OPA3: variants seen among roughly 807,000 people sequenced by gnomAD.
The protein encoded by OPA3 is optic atrophy 3 protein.
In OPA3, 6 loss-of-function variants were observed where a neutral mutation model predicts 4.0. That is an observed-to-expected ratio of 1.51 (90% CI 0.83 to 2.99). The LOEUF (loss-of-function observed/expected upper bound fraction) is 2.99, where lower values mean the gene tolerates loss of function less well. Among genes scored for constraint, OPA3 ranks in the 30% most tolerant of loss-of-function variants. The pLI is 0.00. For missense variants in OPA3, 235 were observed against 256.2 expected (o/e 0.92, Z 0.56); for synonymous variants, 105 against 117.1 (o/e 0.90, Z 0.67).
At chr19:45,564,950 G>A (rs1300897413) in intron 1 of OPA3, among the ~76,000 whole-genome samples, 10 of 152,100 alleles carry the variant, frequency 6.6e-5, no homozygotes, top group Admixed American at 6.6e-4. Context: ...TTCTCGGCCG[G>A]GCGTGGTGGC....
exon 2 of OPA3, chr19:45,529,286 G>T (rs1225701554): frequency 6.2e-7 from 1 of 1,614,066 alleles, no homozygotes; most frequent in Non-Finnish European, 8.5e-7. Flanking sequence ...TGCTGCAACT[G>T]GTGGCGCCAA....
chr19:45,535,782 A>ATTT, intron 1 of OPA3, among the ~76,000 whole-genome samples: 1 of 102,066 alleles, frequency 9.8e-6, no homozygotes, highest in African/African-American at 4.2e-5. Flanking sequence ...TTTTTTTTTA[A>ATTT]GAGTTGAGGT....
At chr19:45,565,313 C>T (rs949017382) in intron 1 of OPA3, among the ~76,000 whole-genome samples, 2 of 150,726 alleles carry the variant, frequency 1.3e-5, no homozygotes, top group Non-Finnish European at 1.5e-5. Flanking sequence ...TACCACTGAT[C>T]GAAACTGCAC....
chr19:45,568,609 C>G (rs975924475), intron 1 of OPA3, among the ~76,000 whole-genome samples: 1 of 152,164 alleles, frequency 6.6e-6, no homozygotes, highest in African/African-American at 2.4e-5. Context: ...TTACAGCAAC[C>G]CGAGACTGCA....
intron 1 of OPA3, among the ~76,000 whole-genome samples, chr19:45,560,721 G>T: frequency 6.6e-6 from 1 of 151,980 alleles, no homozygotes; most frequent in East Asian, 1.9e-4. Flanking sequence ...ACTTCCAGGG[G>T]CCACTCAGAA....
At position 45,551,460 on chromosome 19, in the gene OPA3, G is replaced by C. The variant is rs77272492; in HGVS notation, c.*2054C>G. The C allele has an allele frequency of 2.7e-3, 415 of 152,744 alleles. No individual in the cohort carries two copies. Among genetic ancestry groups the C allele is most frequent in the African/African-American group, 9.4e-3 (390 of 41,566 alleles). 9.5% of individuals were successfully genotyped at this position (152,744 alleles called of 1,614,324 possible). On this transcript the variant is annotated 3_prime_UTR_variant, in exon 2 of 2. Transcript: ENST00000263275. ...ACTTAAGATGGGCCCTAAATGCAAT[G>C]ACAGGTGTTCTTGTAAGAGACAAAA...
intron 1 of OPA3, among the ~76,000 whole-genome samples, chr19:45,572,311 CATAT>C (rs72427396): frequency 0.24 from 28,825 of 119,490 alleles, 5,299 homozygotes; most frequent in Middle Eastern, 0.38. Flanking sequence ...TATATATCGA[CATAT>C]ATGAGATATA....
intron 1 of OPA3, among the ~76,000 whole-genome samples, chr19:45,569,615 T>G (rs560942553): frequency 2.6e-4 from 40 of 152,048 alleles, no homozygotes; most frequent in African/African-American, 8.0e-4. Context: ...CACCAAGGGG[T>G]GGGAGGTGAC....
At position 45,553,244 on chromosome 19, in the gene OPA3, G is replaced by C; in HGVS notation, c.*270C>G. 1 of 1,412,386 alleles carries C rather than the reference G, an allele frequency of 7.1e-7. No individual in the cohort carries two copies. 87.5% of individuals were successfully genotyped at this position (1,412,386 alleles called of 1,614,324 possible). A position where few individuals can be genotyped will look rare whatever the true frequency, so the allele number is the denominator to read the frequency against. On this transcript the variant is annotated 3_prime_UTR_variant, in exon 2 of 2. Coordinates refer to ENST00000263275, the MANE Select transcript of OPA3 (RefSeq NM_025136.4). ...TTTTTCATTTGCCAGAGTGCCCACGGTGTCCTGCTGGCTGGGACCTTGCAG... is the reference window on the plus strand; with the variant it reads ...TTTTTCATTTGCCAGAGTGCCCACGCTGTCCTGCTGGCTGGGACCTTGCAG...
chr19:45,580,551 C>G lies in OPA3; in HGVS notation c.142+4072G>C, dbSNP rs975896230. 3.9e-5 allele frequency among the ~76,000 whole-genome samples: 6 copies of G among 151,964 alleles called. 1 individual carries two copies. The highest frequency in any genetic ancestry group is 2.6e-4 in the Admixed American group (4 of 15,238). The stretch of plus-strand genomic sequence containing the variant: ...CAGGTGATCTGCCTGCCTCGGCCTC[C>G]CAAAGTGCTGGGATTATAGGTGGGA... On this transcript the variant is annotated intron_variant, in intron 1 of 1. Transcript: ENST00000263275.
At chr19:45,534,560 C>CAAAAAAA (rs71173177) in intron 1 of OPA3, among the ~76,000 whole-genome samples, 1 of 55,000 alleles carries the variant, frequency 1.8e-5, no homozygotes, top group African/African-American at 8.1e-5. Flanking sequence ...AACTCTGTCC[C>CAAAAAAA]AAAAAAAAAA....
intron 1 of OPA3, 25 bp downstream of exon 1, chr19:45,584,598 T>C: frequency 6.2e-7 from 1 of 1,614,098 alleles, no homozygotes; most frequent in Non-Finnish European, 8.5e-7. Flanking sequence ...GGAAAAAGGT[T>C]GGAGGGAATT....
At chr19:45,575,311 G>T (rs150765675) in intron 1 of OPA3, among the ~76,000 whole-genome samples, 10 of 152,102 alleles carry the variant, frequency 6.6e-5, no homozygotes, top group African/African-American at 2.4e-4. Context: ...GGCTAGTCGC[G>T]AACTCCTGGC....
rs754517296 is a variant in OPA3 at position 45,584,799 on chromosome 19, G to C, written c.-35C>G. 1 of 1,611,276 alleles carries C rather than the reference G, an allele frequency of 6.2e-7. No homozygotes were observed. The highest frequency in any genetic ancestry group is 8.5e-7 in the Non-Finnish European group (1 of 1,179,910). Reference sequence around the variant, plus strand: ...CTCACAGGGCACGCGCAACCTTGCTGACTGGGCGGGGCGCCTCAACCTCTT... The same window carrying C: ...CTCACAGGGCACGCGCAACCTTGCTCACTGGGCGGGGCGCCTCAACCTCTT... On this transcript the variant is annotated 5_prime_UTR_variant, in exon 1 of 2. Coordinates refer to ENST00000263275, the MANE Select transcript of OPA3 (RefSeq NM_025136.4).
chr19:45,555,024 T>TC (rs1429649190), intron 1 of OPA3, among the ~76,000 whole-genome samples: 1 of 152,154 alleles, frequency 6.6e-6, no homozygotes, highest in African/African-American at 2.4e-5. Context: ...TCATCTGACC[T>TC]CGTGATCCAC....
intron 1 of OPA3, among the ~76,000 whole-genome samples, chr19:45,533,034 GGCAT>G (rs1969076253): frequency 6.9e-6 from 1 of 145,550 alleles, no homozygotes; most frequent in East Asian, 2.0e-4. Flanking sequence ...TGGGATTACA[GGCAT>G]GCACCACCAT....
intron 1 of OPA3, among the ~76,000 whole-genome samples, chr19:45,561,476 A>T (rs1238003858): frequency 6.6e-6 from 1 of 152,228 alleles, no homozygotes; most frequent in Admixed American, 6.5e-5. Flanking sequence ...GGTCGTCATA[A>T]GGACACAGTA....
At position 45,553,173 on chromosome 19, in the gene OPA3, T is replaced by C. The variant is rs1599963418; in HGVS notation, c.*341A>G. On this transcript the variant is annotated 3_prime_UTR_variant, in exon 2 of 2. Transcript: ENST00000263275. ...TAACACTGATCAGGTAAACCGGGGG[T>C]GGGGGTAACAATAACACATTGATTC... 1 of 1,255,294 alleles carries C rather than the reference T, an allele frequency of 8.0e-7. No individual in the cohort carries two copies. The highest frequency in any genetic ancestry group is 1.0e-6 in the Non-Finnish European group (1 of 990,356). 77.8% of individuals were successfully genotyped at this position (1,255,294 alleles called of 1,614,324 possible).
chr19:45,539,434 C>T (rs993333859), intron 1 of OPA3, among the ~76,000 whole-genome samples: 1 of 152,072 alleles, frequency 6.6e-6, no homozygotes, highest in Non-Finnish European at 1.5e-5. Flanking sequence ...TCTACAAAAA[C>T]ATCACAAAAA....
Sources: allele counts gnomAD v4.1 joint callset (sites outside exome capture counted in the v4.1 genomes callset), GRCh38; gene constraint gnomAD v4.1.1; transcripts MANE v1.5; gene names NCBI Gene and HGNC (gene_info 2026-07-23, HGNC 2026-07-21).